Variants in DMD observed in about 807,000 individuals in gnomAD.
The protein encoded by DMD is dystrophin, also known as mutant dystrophin.
DMD carries 63 observed loss-of-function variants against 330.1 expected under a neutral mutation model. The observed-to-expected ratio is 0.19, with a 90% CI of 0.16 to 0.24. The LOEUF (loss-of-function observed/expected upper bound fraction) is 0.24. DMD is among the 10% of genes least tolerant of loss of function. DMD has a pLI of 1.00. For missense variants in DMD, 3,344 were observed against 2,684.1 expected, an observed-to-expected ratio of 1.25 and a Z score of -5.43; for synonymous variants, 1,223 against 959.8, an observed-to-expected ratio of 1.27 and a Z score of -5.07.
chrX:32,238,292 T>C (rs1159510346), intron 43 of DMD, among the ~76,000 whole-genome samples: 1 of 111,799 alleles, frequency 8.9e-6, no homozygotes, highest in Non-Finnish European at 1.9e-5. Context: ...AGCTGTTGTC[T>C]ATGCTTGCAG....
intron 67 of DMD, 125 bp from the exon 68 acceptor site, chrX:31,183,029 T>C (rs1050910611): frequency 3.2e-6 from 2 of 619,536 alleles, no homozygotes; most frequent in Non-Finnish European, 4.9e-6. Flanking sequence ...GAACAATGGT[T>C]GCAAAGCTAG....
chrX:32,410,947 T>A (rs2098139237), intron 30 of DMD, among the ~76,000 whole-genome samples: 1 of 110,886 alleles, frequency 9.0e-6, no homozygotes, highest in Admixed American at 9.7e-5. Context: ...AGCATGGGAG[T>A]GAGTGCATGT....
chrX:33,003,088 T>A (rs139435376), intron 2 of DMD, among the ~76,000 whole-genome samples: 1,276 of 109,652 alleles, frequency 0.012, 26 homozygotes, highest in African/African-American at 0.04. Flanking sequence ...GGTGCACCCA[T>A]CACCTGAGAA....
At chrX:32,397,886 G>T (rs899395878) in intron 30 of DMD, among the ~76,000 whole-genome samples, 10 of 111,053 alleles carry the variant, frequency 9.0e-5, no homozygotes, top group Non-Finnish European at 5.7e-5. Flanking sequence ...AGTTTCTGTG[G>T]TGTCAAAGAA....
intron 1 of DMD, among the ~76,000 whole-genome samples, chrX:33,243,368 C>T (rs747469844): frequency 1.3e-4 from 14 of 111,370 alleles, no homozygotes; most frequent in Non-Finnish European, 2.3e-4. Context: ...GTCAAAATGG[C>T]TATTATTAAA....
intron 63 of DMD, among the ~76,000 whole-genome samples, chrX:31,259,317 T>C (rs867149759): frequency 2.7e-5 from 3 of 111,784 alleles, no homozygotes; most frequent in Non-Finnish European, 5.6e-5. Flanking sequence ...TTCTAGTTTT[T>C]CTCTTGTACA....
chrX:33,146,071 T>C (rs2048015798), intron 1 of DMD, among the ~76,000 whole-genome samples: 1 of 109,896 alleles, frequency 9.1e-6, no homozygotes, highest in African/African-American at 3.3e-5. Flanking sequence ...TAAATATATA[T>C]TTTCAGTAGA....
Position 33,183,867 on chromosome X carries a change from G to A in DMD, c.31+27415C>T, listed in dbSNP as rs144541167. ...AAAGAAAGCAGTGTGGGTTTAATTT[G>A]TTTATAATCTGTCCTTCATTTCATT... On this transcript the variant is annotated intron_variant, in intron 1 of 78. Transcript: ENST00000357033. Among the ~76,000 whole-genome samples the A allele has an allele frequency of 1.7e-3, 188 of 111,325 alleles. 1 individual carries two copies. The highest frequency in any genetic ancestry group is 5.8e-3 in the African/African-American group (178 of 30,699).
chrX:33,075,387 G>A (rs749311520), intron 1 of DMD, among the ~76,000 whole-genome samples: 3 of 111,547 alleles, frequency 2.7e-5, no homozygotes, highest in African/African-American at 9.8e-5. Context: ...TTGAGTAATA[G>A]TAAAACTCTG....
At chrX:32,407,758 T>C (rs2098124261) in intron 30 of DMD, among the ~76,000 whole-genome samples, 1 of 109,561 alleles carries the variant, frequency 9.1e-6, no homozygotes, top group Non-Finnish European at 1.9e-5. Flanking sequence ...ATTTAGAAAA[T>C]GTGGCACATA....
At chrX:31,801,477 TATAAG>T (rs948689558) in intron 50 of DMD, among the ~76,000 whole-genome samples, 2 of 110,861 alleles carry the variant, frequency 1.8e-5, no homozygotes, top group Non-Finnish European at 3.8e-5. Context: ...AACTTTCAGT[TATAAG>T]ATGTCTGGGG....
At chrX:32,534,697 C>G (rs1040635926) in intron 17 of DMD, among the ~76,000 whole-genome samples, 2 of 111,461 alleles carry the variant, frequency 1.8e-5, no homozygotes, top group African/African-American at 6.5e-5. Context: ...CCAGCAAGCT[C>G]TTTGTTGTGT....
chrX:32,886,761 G>C (rs1418769196), intron 2 of DMD, among the ~76,000 whole-genome samples: 1 of 111,487 alleles, frequency 9.0e-6, no homozygotes, highest in East Asian at 2.8e-4. Context: ...TGGTCTACTG[G>C]GTTATTTAGA....
chrX:33,303,896 T>G (rs2053710701), intron 1 of DMD, among the ~76,000 whole-genome samples: 1 of 111,706 alleles, frequency 9.0e-6, no homozygotes, highest in South Asian at 3.7e-4. Flanking sequence ...TACACTTAAT[T>G]TTTTAAATGT....
chrX:31,877,893 C>A (rs2093994095), intron 47 of DMD, among the ~76,000 whole-genome samples: 1 of 112,011 alleles, frequency 8.9e-6, no homozygotes, highest in East Asian at 2.8e-4. Context: ...CAACTAACAA[C>A]ATCTAAATGC....
intron 7 of DMD, among the ~76,000 whole-genome samples, chrX:32,760,521 C>G (rs1326760848): frequency 9.0e-6 from 1 of 111,642 alleles, no homozygotes; most frequent in Non-Finnish European, 1.9e-5. Context: ...TCCCATTCTA[C>G]TGTATGTCCC....
chrX:32,736,731 A>G (rs7055228), intron 7 of DMD, among the ~76,000 whole-genome samples: 1 of 92,276 alleles, frequency 1.1e-5, no homozygotes, highest in Non-Finnish European at 2.1e-5. Context: ...ACACATGGAC[A>G]CAGGAAGGGG....
At chrX:32,693,665 C>A (rs780928866) in intron 9 of DMD, among the ~76,000 whole-genome samples, 1 of 112,037 alleles carries the variant, frequency 8.9e-6, no homozygotes, top group Admixed American at 9.5e-5. Flanking sequence ...GTCTCAAACT[C>A]CTAGCCTCAA....
At chrX:31,410,560 A>G (rs1422046356) in intron 60 of DMD, among the ~76,000 whole-genome samples, 1 of 110,756 alleles carries the variant, frequency 9.0e-6, no homozygotes, top group Non-Finnish European at 1.9e-5. Flanking sequence ...CATGAATTCT[A>G]TGTACAATTT....
Sources: allele counts gnomAD v4.1 joint callset (sites outside exome capture counted in the v4.1 genomes callset), GRCh38; gene constraint gnomAD v4.1.1; transcripts MANE v1.5; gene names NCBI Gene and HGNC (gene_info 2026-07-23, HGNC 2026-07-21).